MMP15: variants seen among roughly 807,000 people sequenced by gnomAD.
The protein encoded by MMP15 is matrix metallopeptidase 15, also known as matrix metalloproteinase-15.
MMP15 carries 36 observed loss-of-function variants against 65.0 expected under a neutral mutation model. The observed-to-expected ratio is 0.55, with a 90% CI of 0.42 to 0.73. The LOEUF (loss-of-function observed/expected upper bound fraction) is 0.73. Among genes scored for constraint, MMP15 ranks in the 30% least tolerant of loss-of-function variants. MMP15 has a pLI of 0.00. For synonymous variants in MMP15, 428 were observed against 410.2 expected (o/e 1.04, Z -0.52); for missense variants, 870 against 987.8 (o/e 0.88, Z 1.60).
rs1224995225 is a variant in MMP15, at chr16:58,045,093, C to G, written c.1657C>G (p.Leu553Val). Reference sequence around the variant, plus strand: ...GGAGCCCGGCTACCCCAAGTCCATCCTGCGGGACTTCATGGGCTGCCAGGA... The same window carrying G: ...GGAGCCCGGCTACCCCAAGTCCATCGTGCGGGACTTCATGGGCTGCCAGGA... ...RMEPGYPKSI[L>V]RDFMGCQEHV... The change falls in exon 10 of 10, where the codon CTG becomes GTG. Residue 553 changes from leucine (L) to valine (V), a missense_variant. By Grantham distance (32) the Leu-to-Val change is conservative. Coordinates refer to ENST00000219271, the MANE Select transcript of MMP15 (RefSeq NM_002428.4). 1 of 1,612,190 alleles carries G rather than the reference C, an allele frequency of 6.2e-7. No homozygotes were observed. Among genetic ancestry groups the G allele is most frequent in the African/African-American group, 1.3e-5 (1 of 74,910 alleles).
rs146192273 is a variant in MMP15, at chr16:58,038,359, C to G, written c.405C>G (p.Thr135=). The part of the protein sequence containing the change: ...LRRRRKRYAL[T]GRKWNNHHLT... ...GGCGTCGGAAGCGCTACGCCCTCAC[C>G]GGGAGGAAGTGGAACAACCACCATC... The change falls in exon 3 of 10, where the codon ACC becomes ACG. Residue 135 remains threonine (T), a synonymous_variant. Coordinates refer to ENST00000219271, the MANE Select transcript of MMP15 (RefSeq NM_002428.4). 2 of 1,614,030 alleles carry G rather than the reference C, an allele frequency of 1.2e-6. No homozygotes were observed. The highest frequency in any genetic ancestry group is 1.7e-6 in the Non-Finnish European group (2 of 1,179,992).
intron 1 of MMP15, among the ~76,000 whole-genome samples, chr16:58,033,081 G>A (rs892786689): frequency 1.3e-5 from 2 of 152,164 alleles, no homozygotes; most frequent in Non-Finnish European, 2.9e-5. Context: ...CCACCGTGGC[G>A]GCTGCTCACT....
In MMP15 at chr16:58,045,814, C is replaced by G. The variant is rs879024609; in HGVS notation, c.*368C>G. 4.3e-6 allele frequency: 1 copy of G among 235,070 alleles called. No homozygotes were observed. The highest frequency in any genetic ancestry group is 8.3e-6 in the Non-Finnish European group (1 of 121,108). 14.6% of individuals were successfully genotyped at this position (235,070 alleles called of 1,614,324 possible). A position where few individuals can be genotyped will look rare whatever the true frequency, so the allele number is the denominator to read the frequency against. ...ACCCCAGGGCTGTAACTGCCAGGCT[C>G]TCTTTGCCCAGTTGGAGACTGTCTG... is the stretch of plus-strand genomic sequence containing the variant. On this transcript the variant is annotated 3_prime_UTR_variant, in exon 10 of 10. Coordinates refer to ENST00000219271, the MANE Select transcript of MMP15 (RefSeq NM_002428.4).
At position 58,041,760 on chromosome 16, in the gene MMP15, C is replaced by A; in HGVS notation, c.1054C>A (p.Pro352Thr). Residue 352 changes from proline to threonine, a missense_variant, in exon 6 of 10, where the codon CCC becomes ACC. By Grantham distance (38) the Pro-to-Thr change is conservative. Coordinates refer to ENST00000219271, the MANE Select transcript of MMP15 (RefSeq NM_002428.4). ...GCCAGAGCGGCCCCCAAAGCCGGGC[C>A]CCCCAGTCCAGCCCCGAGCCACAGA... ...GKPERPPKPG[P>T]PVQPRATERP... 1 of 1,605,404 alleles carries A rather than the reference C, an allele frequency of 6.2e-7. No homozygotes were observed. The highest frequency in any genetic ancestry group is 8.5e-7 in the Non-Finnish European group (1 of 1,176,000).
intron 1 of MMP15, among the ~76,000 whole-genome samples, chr16:58,026,906 G>T (rs909311257): frequency 6.6e-6 from 1 of 152,212 alleles, no homozygotes; most frequent in African/African-American, 2.4e-5. Context: ...GGCGCTCTTT[G>T]CGAGTGGGGA....
rs774025590 is a variant in MMP15 at position 58,040,063 on chromosome 16, C to G, written c.629C>G (p.Ser210Trp). 1.2e-6 allele frequency: 2 copies of G among 1,614,148 alleles called. No homozygotes were observed. The highest frequency in any genetic ancestry group is 8.5e-7 in the Non-Finnish European group (1 of 1,180,050). The change falls in exon 4 of 10, where the codon TCG becomes TGG. Residue 210 changes from serine (S) to tryptophan (W), a missense_variant. Transcript: ENST00000219271. Reference sequence around the variant, plus strand: ...GCCTCTGGCTTCCACGGCGACAGCTCGCCGTTTGATGGCACCGGTGGCTTT... The same window carrying G: ...GCCTCTGGCTTCCACGGCGACAGCTGGCCGTTTGATGGCACCGGTGGCTTT... ...LFASGFHGDSSPFDGTGGFLA... is the reference protein window; with the variant it reads ...LFASGFHGDSWPFDGTGGFLA...
In MMP15 at chr16:58,042,314, C is replaced by G. The variant is rs193197656; in HGVS notation, c.1248C>G (p.Pro416=). The part of the protein sequence containing the change: ...MPIGHFWRGL[P]GDISAAYERQ... ...TCGGGCACTTCTGGCGTGGTCTGCC[C>G]GGTGACATCAGTGCTGCCTACGAGC... Residue 416 remains proline, a synonymous_variant, in exon 7 of 10, where the codon CCC becomes CCG. Coordinates refer to ENST00000219271, the MANE Select transcript of MMP15 (RefSeq NM_002428.4). 1.2e-6 allele frequency: 2 copies of G among 1,614,250 alleles called. No homozygotes were observed. The highest frequency in any genetic ancestry group is 2.2e-5 in the South Asian group (2 of 91,088).
intron 1 of MMP15, among the ~76,000 whole-genome samples, chr16:58,030,268 T>C (rs1211348399): frequency 6.6e-6 from 1 of 152,194 alleles, no homozygotes; most frequent in African/African-American, 2.4e-5. Context: ...ACCGGGACCC[T>C]GAAGGCGGCT....
chr16:58,040,246 T>G (rs1959424043), intron 4 of MMP15, 64 bp downstream of exon 4: 5 of 1,517,934 alleles, frequency 3.3e-6, no homozygotes, highest in Non-Finnish European at 4.4e-6. Context: ...AACAACACCC[T>G]GCTGAGTGGG....
intron 1 of MMP15, among the ~76,000 whole-genome samples, chr16:58,030,983 AG>A (rs1437353096): frequency 1.3e-5 from 2 of 152,166 alleles, no homozygotes; most frequent in African/African-American, 4.8e-5. Flanking sequence ...AAGGAGGCGC[AG>A]GTGTTATTTT....
intron 4 of MMP15, 106 bp from the exon 5 acceptor site, chr16:58,040,431 G>A: frequency 1.4e-6 from 2 of 1,388,334 alleles, no homozygotes; most frequent in South Asian, 2.7e-5. Context: ...TTCCAAGAGG[G>A]AAGCAAGGGC....
At chr16:58,033,081 G>C (rs892786689) in intron 1 of MMP15, among the ~76,000 whole-genome samples, 1 of 152,164 alleles carries the variant, frequency 6.6e-6, no homozygotes, top group South Asian at 2.1e-4. Context: ...CCACCGTGGC[G>C]GCTGCTCACT....
intron 1 of MMP15, among the ~76,000 whole-genome samples, chr16:58,031,551 G>A (rs188975159): frequency 3.3e-5 from 5 of 152,228 alleles, no homozygotes; most frequent in Non-Finnish European, 4.4e-5. Flanking sequence ...TCTTCACCCC[G>A]CGCGCTGGCC....
intron 3 of MMP15, 62 bp from the exon 4 acceptor site, chr16:58,039,813 C>A (rs776688227): frequency 6.6e-7 from 1 of 1,513,288 alleles, no homozygotes; most frequent in African/African-American, 1.4e-5. Context: ...TGGGAACATG[C>A]CAGCAGAGGA....
At chr16:58,043,707 G>A in intron 9 of MMP15, 80 bp downstream of exon 9, 1 of 1,054,250 alleles carries the variant, frequency 9.5e-7, no homozygotes, top group Non-Finnish European at 1.4e-6. Flanking sequence ...CTTGCCCAAG[G>A]TCACCCGGCA....
At chr16:58,036,315 C>A (rs923725096) in intron 1 of MMP15, among the ~76,000 whole-genome samples, 2 of 152,226 alleles carry the variant, frequency 1.3e-5, no homozygotes, top group African/African-American at 4.8e-5. Context: ...CTCGGCCTGT[C>A]TCTGCCCTCT....
At chr16:58,032,388 G>A (rs1295698138) in intron 1 of MMP15, among the ~76,000 whole-genome samples, 1 of 151,444 alleles carries the variant, frequency 6.6e-6, no homozygotes, top group Non-Finnish European at 1.5e-5. Context: ...TCAGCCTGAG[G>A]AAGAGCTAAC....
In MMP15 at chr16:58,037,486, T is replaced by G; in HGVS notation, c.177T>G (p.Leu59=). The G allele has an allele frequency of 6.2e-7, 1 of 1,613,402 alleles. No homozygotes were observed. Among genetic ancestry groups the G allele is most frequent in the Non-Finnish European group, 8.5e-7 (1 of 1,179,888 alleles). Residue 59 remains leucine (L), a synonymous_variant, in exon 2 of 10, where the codon CTT becomes CTG. Coordinates refer to ENST00000219271, the MANE Select transcript of MMP15 (RefSeq NM_002428.4). ...CTTCTTTGCAGAACTGGCTGCGGCT[T>G]TATGGCTACCTGCCTCAGCCCAGCC... The part of the protein sequence containing the change: ...AEVHAENWLR[L]YGYLPQPSRH...
At chr16:58,044,942 C>G (rs1959523794) in intron 9 of MMP15, 65 bp from the exon 10 acceptor site, 2 of 1,573,836 alleles carry the variant, frequency 1.3e-6, no homozygotes, top group East Asian at 4.5e-5. Flanking sequence ...ATGTCCTGGC[C>G]TTTGATGGTT....
Sources: gnomAD v4.1 joint callset for allele counts (sites outside exome capture counted in the v4.1 genomes callset) on GRCh38, gnomAD v4.1.1 for gene constraint, MANE v1.5 for transcripts, NCBI Gene and HGNC (gene_info 2026-07-23, HGNC 2026-07-21) for gene names.